Variants in CDYL2 observed in about 807,000 individuals in gnomAD.
CDYL2 encodes chromodomain Y-like protein 2.
CDYL2 carries 23 observed loss-of-function variants against 49.4 expected under a neutral mutation model. The ratio of observed to expected loss-of-function variants is 0.47; its 90% CI spans 0.34 to 0.66. The LOEUF (loss-of-function observed/expected upper bound fraction) is 0.66. CDYL2 is among the 30% of genes least tolerant of loss of function. CDYL2 has a pLI of 0.01. For missense variants in CDYL2, 678 were observed against 656.4 expected (o/e 1.03, Z -0.36); for synonymous variants, 360 against 268.8 (o/e 1.34, Z -3.32).
At chr16:80,640,127 ACCAG>A (rs1375421809) in intron 2 of CDYL2, among the ~76,000 whole-genome samples, 28 of 152,318 alleles carry the variant, frequency 1.8e-4, no homozygotes, top group African/African-American at 6.7e-4. Context: ...CCACTGAGAC[ACCAG>A]CTGGGGTGGC....
In CDYL2 at chr16:80,677,725, C is replaced by T. The variant is rs189815376; in HGVS notation, c.616+6813G>A. Among the ~76,000 whole-genome samples the T allele has an allele frequency of 3.1e-3, 467 of 150,372 alleles. 1 individual carries two copies. The highest frequency in any genetic ancestry group is 0.011 in the African/African-American group (446 of 41,034). The stretch of plus-strand genomic sequence containing the variant: ...CTGCACTCCAGCCTGGGCGACAGAG[C>T]GAGACTCCATCTCAAAAAAATAAAA... On this transcript the variant is annotated intron_variant, in intron 2 of 6. Transcript: ENST00000570137.
At position 80,602,005 on chromosome 16, in the gene CDYL2, A is replaced by T. The variant is rs1227800406; in HGVS notation, c.*2383T>A. The stretch of plus-strand genomic sequence containing the variant: ...TTTCTAAACATCCCCTTCCATGTCC[A>T]AGGAGAATCCTGACCCCACTTCAAC... On this transcript the variant is annotated 3_prime_UTR_variant, in exon 7 of 7. Coordinates refer to ENST00000570137, the MANE Select transcript of CDYL2 (RefSeq NM_152342.4). 6.6e-6 allele frequency: 1 copy of T among 152,218 alleles called. No homozygotes were observed. The highest frequency in any genetic ancestry group is 1.5e-5 in the Non-Finnish European group (1 of 68,044). 9.4% of individuals were successfully genotyped at this position (152,218 alleles called of 1,614,324 possible).
At chr16:80,769,826 T>C (rs1219876285) in intron 1 of CDYL2, among the ~76,000 whole-genome samples, 1 of 152,198 alleles carries the variant, frequency 6.6e-6, no homozygotes, top group African/African-American at 2.4e-5. Flanking sequence ...ATTATTCATT[T>C]CCTAGTACTA....
At chr16:80,766,019 C>G (rs1026153955) in intron 1 of CDYL2, among the ~76,000 whole-genome samples, 1 of 151,606 alleles carries the variant, frequency 6.6e-6, no homozygotes, top group African/African-American at 2.4e-5. Flanking sequence ...ATGAAACATC[C>G]AGAATACACA....
intron 1 of CDYL2, among the ~76,000 whole-genome samples, chr16:80,767,757 C>T (rs1906774398): frequency 6.6e-6 from 1 of 152,146 alleles, no homozygotes; most frequent in Non-Finnish European, 1.5e-5. Flanking sequence ...AGTAGTCATT[C>T]TGCCAATATT....
chr16:80,699,329 G>A (rs927393130), intron 1 of CDYL2, among the ~76,000 whole-genome samples: 1 of 152,142 alleles, frequency 6.6e-6, no homozygotes, highest in African/African-American at 2.4e-5. Context: ...ATACTATTTA[G>A]CCATAAAAAA....
intron 1 of CDYL2, among the ~76,000 whole-genome samples, chr16:80,705,070 C>T (rs903277264): frequency 3.3e-5 from 5 of 152,210 alleles, no homozygotes; most frequent in Admixed American, 6.5e-5. Context: ...ACCAGTGCTT[C>T]GTCTACGCTG....
chr16:80,732,808 A>C (rs1905376988), intron 1 of CDYL2, among the ~76,000 whole-genome samples: 1 of 152,220 alleles, frequency 6.6e-6, no homozygotes, highest in Admixed American at 6.5e-5. Context: ...CAAAAACAAC[A>C]CTAACCTCTC....
At chr16:80,723,250 G>A (rs760140252) in intron 1 of CDYL2, among the ~76,000 whole-genome samples, 3 of 152,234 alleles carry the variant, frequency 2.0e-5, no homozygotes, top group Non-Finnish European at 4.4e-5. Context: ...CACAAAGGCT[G>A]CATTCACCTA....
intron 3 of CDYL2, among the ~76,000 whole-genome samples, chr16:80,625,489 T>G (rs975137250): frequency 6.6e-6 from 1 of 152,194 alleles, no homozygotes; most frequent in Non-Finnish European, 1.5e-5. Context: ...TCTGAAACCT[T>G]AAATCCCCCT....
At chr16:80,695,784 A>C (rs530664884) in intron 1 of CDYL2, among the ~76,000 whole-genome samples, 129 of 152,308 alleles carry the variant, frequency 8.5e-4, no homozygotes, top group Middle Eastern at 3.4e-3. Flanking sequence ...AAAGGAGGGA[A>C]AGACCTCAAT....
At chr16:80,642,656 A>T (rs2142406750) in intron 2 of CDYL2, among the ~76,000 whole-genome samples, 1 of 152,302 alleles carries the variant, frequency 6.6e-6, no homozygotes, top group East Asian at 1.9e-4. Flanking sequence ...CCTCAGAATC[A>T]TGGAGGGAGG....
At chr16:80,681,506 CCT>C (rs1162083605) in intron 2 of CDYL2, among the ~76,000 whole-genome samples, 1 of 152,198 alleles carries the variant, frequency 6.6e-6, no homozygotes, top group South Asian at 2.1e-4. Flanking sequence ...CACGGCATCC[CCT>C]GTCTTGGGTC....
intron 1 of CDYL2, among the ~76,000 whole-genome samples, chr16:80,704,548 C>T (rs1055167954): frequency 6.6e-6 from 1 of 152,190 alleles, no homozygotes; most frequent in Non-Finnish European, 1.5e-5. Flanking sequence ...GTGCTCTAGA[C>T]AAAAGGAAAG....
rs573454171 is a variant in CDYL2 at position 80,641,586 on chromosome 16, T to C, written c.617-8350A>G. On this transcript the variant is annotated intron_variant, in intron 2 of 6. Transcript: ENST00000570137. The stretch of plus-strand genomic sequence containing the variant: ...GCAGCCATAAAAAATGAAGAGTTCA[T>C]GTCCTTCGTAGGGACATGCATGAAA... Among the ~76,000 whole-genome samples, 37 of 152,226 alleles carry C rather than the reference T, an allele frequency of 2.4e-4. No homozygotes were observed. In the South Asian group the frequency reaches 4.1e-3, roughly 17 times the overall value.
intron 1 of CDYL2, among the ~76,000 whole-genome samples, chr16:80,780,752 T>A (rs548601555): frequency 1.3e-5 from 2 of 152,138 alleles, no homozygotes; most frequent in African/African-American, 4.8e-5. Context: ...CCACATCATT[T>A]CGAATACTAT....
intron 1 of CDYL2, among the ~76,000 whole-genome samples, chr16:80,775,735 G>A (rs948038486): frequency 6.6e-6 from 1 of 151,736 alleles, no homozygotes; most frequent in Non-Finnish European, 1.5e-5. Context: ...CATCTAGAAG[G>A]AGAACCTAAG....
intron 1 of CDYL2, among the ~76,000 whole-genome samples, chr16:80,791,095 T>C (rs1167391557): frequency 6.6e-6 from 1 of 152,216 alleles, no homozygotes. Flanking sequence ...CCAAGAGTTC[T>C]GCCATTTCCA....
At chr16:80,658,195 G>T (rs1159997916) in intron 2 of CDYL2, among the ~76,000 whole-genome samples, 1 of 151,980 alleles carries the variant, frequency 6.6e-6, no homozygotes, top group Admixed American at 6.5e-5. Context: ...GAGTAAAAGG[G>T]ATGGGGAAGA....
Sources: gnomAD v4.1 joint callset for allele counts (sites outside exome capture counted in the v4.1 genomes callset) on GRCh38, gnomAD v4.1.1 for gene constraint, MANE v1.5 for transcripts, NCBI Gene and HGNC (gene_info 2026-07-23, HGNC 2026-07-21) for gene names.